SVOP: variants seen among roughly 807,000 people sequenced by gnomAD.
SVOP encodes SV2 related protein.
Under a neutral mutation model 69.1 loss-of-function variants are expected in SVOP, and 17 were observed. The ratio of observed to expected loss-of-function variants is 0.25; its 90% confidence interval spans 0.17 to 0.37. The LOEUF is 0.37. Among genes scored for constraint, SVOP ranks in the 10% least tolerant of loss-of-function variants. The probability of loss-of-function intolerance (pLI) is 1.00; values close to 1 mark genes in which losing one functional copy is unlikely to be tolerated. For synonymous variants in SVOP, 238 were observed against 238.6 expected (o/e 1.00, Z 0.02); for missense variants, 435 against 597.5 (o/e 0.73, Z 2.84).
chr12:108,919,225 C>G (rs1054147823), intron 13 of SVOP, among the ~76,000 whole-genome samples: 1 of 150,934 alleles, frequency 6.6e-6, no homozygotes, highest in Non-Finnish European at 1.5e-5. Context: ...ACACCTGAGC[C>G]TCACCCACAC....
chr12:108,971,778 T>A (rs1042827495), intron 5 of SVOP, among the ~76,000 whole-genome samples: 1 of 151,764 alleles, frequency 6.6e-6, no homozygotes, highest in African/African-American at 2.4e-5. Context: ...GCTTTCTGGG[T>A]GCAGTGGCTC....
intron 1 of SVOP, among the ~76,000 whole-genome samples, chr12:108,988,715 T>C (rs150628112): frequency 0.89 from 133,232 of 149,804 alleles, 60,390 homozygotes; most frequent in Non-Finnish European, 0.99. Context: ...AGAGATTCTA[T>C]ATGAATCTTC....
chr12:108,998,499 C>A (rs889337812), intron 1 of SVOP, among the ~76,000 whole-genome samples: 4 of 151,658 alleles, frequency 2.6e-5, no homozygotes, highest in African/African-American at 7.3e-5. Context: ...AACTCCAAGA[C>A]ACATAATTGT....
chr12:108,945,008 TAAAC>T lies in SVOP; in HGVS notation c.642+91_642+94del. The T allele has an allele frequency of 6.7e-6, 8 of 1,199,786 alleles. No individual in the cohort carries two copies. In the Admixed American group the frequency reaches 6.7e-5, roughly 10 times the overall value. 74.3% of individuals were successfully genotyped at this position (1,199,786 alleles called of 1,614,324 possible). On this transcript the variant is annotated intron_variant, in intron 7 of 15. Coordinates refer to ENST00000610966, the MANE Select transcript of SVOP (RefSeq NM_018711.5). The stretch of plus-strand genomic sequence containing the variant: ...TATTGAGTCTGTAATGTTTTTTTCT[TAAAC>T]TCCCTTTTCCTTGACCTGTGGTTCA...
chr12:108,914,673 AT>A (rs1290073647), intron 15 of SVOP, among the ~76,000 whole-genome samples: 2 of 151,346 alleles, frequency 1.3e-5, no homozygotes, highest in Non-Finnish European at 2.9e-5. Flanking sequence ...GGTTCAAGCA[AT>A]TTTTGTGCCT....
chr12:108,977,534 TG>T, intron 3 of SVOP, 38 bp from the exon 4 acceptor site: 1 of 1,423,210 alleles, frequency 7.0e-7, no homozygotes, highest in South Asian at 1.2e-5. Context: ...GCCAGGATGC[TG>T]CTTGGTGCTG....
At chr12:108,935,862 A>C (rs536845558) in intron 10 of SVOP, among the ~76,000 whole-genome samples, 2 of 152,072 alleles carry the variant, frequency 1.3e-5, no homozygotes, top group Non-Finnish European at 2.9e-5. Context: ...ACTCCCTTCC[A>C]TGGGTATTAT....
chr12:108,969,717 T>TCCTTCCTTCCTTCCTC (rs1555251572), intron 5 of SVOP, among the ~76,000 whole-genome samples: 7,262 of 29,126 alleles, frequency 0.25, 706 homozygotes, highest in Admixed American at 0.52. Flanking sequence ...TCCTTTTTTT[T>TCCTTCCTTCCTTCCTC]CCTTCCTTCC....
At chr12:108,931,637 T>A (rs537315368) in intron 11 of SVOP, among the ~76,000 whole-genome samples, 1 of 152,016 alleles carries the variant, frequency 6.6e-6, no homozygotes, top group Non-Finnish European at 1.5e-5. Context: ...ATTGAGACCA[T>A]CCTGGCCAAC....
chr12:108,912,228 G>A lies in SVOP; in HGVS notation c.*307C>T, dbSNP rs2039688726. 8 of 1,251,842 alleles carry A rather than the reference G, an allele frequency of 6.4e-6. No homozygotes were observed. Among genetic ancestry groups the A allele is most frequent in the Non-Finnish European group, 7.1e-6 (7 of 992,306 alleles). The allele number at this position is 1,251,842 out of a possible 1,614,324, so 77.5% of individuals were successfully genotyped here. A position where few individuals can be genotyped will look rare whatever the true frequency, so the allele number is the denominator to read the frequency against. On this transcript the variant is annotated 3_prime_UTR_variant, in exon 16 of 16. Coordinates refer to ENST00000610966, the MANE Select transcript of SVOP (RefSeq NM_018711.5). ...AGGGTTTGGCCGGGTGACTCTGGGT[G>A]GTGTCTGATTGGTTGCTGGCATTAC...
Position 108,971,946 on chromosome 12 carries a change from T to C in SVOP, c.453+459A>G, listed in dbSNP as rs1255631467. ...GCGCATGCTTGTAGTCCCAGCTGCT[T>C]GGAGGGCTAAGGTGGGAGGATTGCT... On this transcript the variant is annotated intron_variant, in intron 5 of 15. Transcript: ENST00000610966. Among the ~76,000 whole-genome samples, 18 of 152,054 alleles carry C rather than the reference T, an allele frequency of 1.2e-4. No individual in the cohort carries two copies. In the South Asian group the frequency reaches 3.1e-3, roughly 26 times the overall value.
At chr12:108,946,481 T>C (rs2039923752) in intron 6 of SVOP, among the ~76,000 whole-genome samples, 6 of 152,016 alleles carry the variant, frequency 3.9e-5, no homozygotes, top group Admixed American at 3.9e-4. Context: ...ATTTTCCTTC[T>C]TCCCCTCATC....
chr12:108,940,639 A>G, intron 8 of SVOP, 145 bp downstream of exon 8: 4 of 1,270,112 alleles, frequency 3.1e-6, no homozygotes, highest in Non-Finnish European at 4.3e-6. Context: ...ACCCCAGGCC[A>G]TAGCTCCCTT....
intron 11 of SVOP, among the ~76,000 whole-genome samples, chr12:108,928,406 T>C (rs1231145023): frequency 6.6e-6 from 1 of 152,102 alleles, no homozygotes; most frequent in African/African-American, 2.4e-5. Flanking sequence ...CACCCTGGCC[T>C]GTGATGGGGT....
chr12:109,003,725 A>G (rs1276930726), intron 1 of SVOP, among the ~76,000 whole-genome samples: 1 of 152,192 alleles, frequency 6.6e-6, no homozygotes, highest in Non-Finnish European at 1.5e-5. Context: ...CTCCTGCCTC[A>G]GCTTCCACAG....
chr12:108,996,984 C>G (rs546052208), intron 1 of SVOP, among the ~76,000 whole-genome samples: 1 of 152,050 alleles, frequency 6.6e-6, no homozygotes, highest in Admixed American at 6.6e-5. Context: ...GGAACAGCTC[C>G]GGTCTACAGC....
chr12:108,976,077 G>A (rs957963102), intron 4 of SVOP, among the ~76,000 whole-genome samples: 1 of 152,118 alleles, frequency 6.6e-6, no homozygotes, highest in African/African-American at 2.4e-5. Context: ...CCCCTGGTGT[G>A]TACTAGGGGC....
chr12:108,978,070 C>A (rs535462141), intron 3 of SVOP, among the ~76,000 whole-genome samples: 1 of 152,024 alleles, frequency 6.6e-6, no homozygotes. Flanking sequence ...GCAGCTTTTC[C>A]AATTAGGGGG....
chr12:108,958,859 C>G (rs1166237169), intron 6 of SVOP, among the ~76,000 whole-genome samples: 1 of 152,124 alleles, frequency 6.6e-6, no homozygotes, highest in Non-Finnish European at 1.5e-5. Flanking sequence ...TGAAACACCT[C>G]TGAAGGGCCA....
Sources: gnomAD v4.1 joint callset for allele counts (sites outside exome capture counted in the v4.1 genomes callset) on GRCh38, gnomAD v4.1.1 for gene constraint, MANE v1.5 for transcripts, NCBI Gene and HGNC (gene_info 2026-07-23, HGNC 2026-07-21) for gene names.